Variants in DGKB observed in about 807,000 individuals in gnomAD.
DGKB encodes 90 kDa diacylglycerol kinase.
In DGKB, 67 loss-of-function variants were observed where a neutral mutation model predicts 114.3. The observed-to-expected ratio is 0.59, with a 90% CI of 0.48 to 0.72. DGKB has a LOEUF of 0.72. Among genes scored for constraint, DGKB ranks in the 30% least tolerant of loss-of-function variants. DGKB has a pLI of 0.00. For synonymous variants in DGKB, 398 were observed against 323.1 expected (o/e 1.23, Z -2.49); for missense variants, 907 against 975.2 (o/e 0.93, Z 0.93).
chr7:14,832,231 A>G (rs6461140), intron 2 of DGKB, among the ~76,000 whole-genome samples: 68,320 of 151,808 alleles, frequency 0.45, 16,466 homozygotes, highest in South Asian at 0.62. Context: ...GAAATAAACA[A>G]TTGATATAGA....
At chr7:14,923,620 T>C (rs1387470950) in intron 1 of DGKB, among the ~76,000 whole-genome samples, 3 of 152,214 alleles carry the variant, frequency 2.0e-5, no homozygotes, top group Non-Finnish European at 4.4e-5. Flanking sequence ...TCCCTTTTGA[T>C]ATCTGGCATT....
chr7:14,664,833 C>T (rs1174681310), intron 13 of DGKB, among the ~76,000 whole-genome samples: 1 of 151,626 alleles, frequency 6.6e-6, no homozygotes, highest in Non-Finnish European at 1.5e-5. Flanking sequence ...AAGACAACTG[C>T]TCTTATCTGG....
At chr7:14,950,626 T>G (rs1315622531) in intron 1 of DGKB, among the ~76,000 whole-genome samples, 2 of 151,926 alleles carry the variant, frequency 1.3e-5, no homozygotes, top group African/African-American at 4.8e-5. Context: ...AAAAATTACT[T>G]AAAAAGAAAA....
intron 2 of DGKB, among the ~76,000 whole-genome samples, chr7:14,774,240 C>A (rs925716285): frequency 6.6e-6 from 1 of 152,110 alleles, no homozygotes; most frequent in African/African-American, 2.4e-5. Context: ...AAGTTACAGT[C>A]GATTTGGAGA....
intron 1 of DGKB, among the ~76,000 whole-genome samples, chr7:14,971,762 AT>A (rs71004349): frequency 0.25 from 34,145 of 138,906 alleles, 3,420 homozygotes; most frequent in African/African-American, 0.3. Flanking sequence ...TATTGAAAGC[AT>A]TTTTTTTTTT....
chr7:14,193,708 A>G (rs1026062946), intron 23 of DGKB, among the ~76,000 whole-genome samples: 8 of 152,188 alleles, frequency 5.3e-5, no homozygotes, highest in African/African-American at 1.9e-4. Flanking sequence ...AGTTTCATTG[A>G]ACTAAAAAGC....
rs1022667510 is a variant in DGKB, at chr7:14,255,398, T to C, written c.2123-77247A>G. ...TCTTATGATGATAAAGATCAAGACATAGAATTCAATTAAAGACATTTCACT... is the reference window on the plus strand; with the variant it reads ...TCTTATGATGATAAAGATCAAGACACAGAATTCAATTAAAGACATTTCACT... On this transcript the variant is annotated intron_variant, in intron 23 of 25. Transcript: ENST00000402815. Among the ~76,000 whole-genome samples, 17 of 152,262 alleles carry C rather than the reference T, an allele frequency of 1.1e-4. 1 individual carries two copies. Among genetic ancestry groups the C allele is most frequent in the Admixed American group, 7.8e-4 (12 of 15,294 alleles).
At chr7:14,784,143 A>C (rs1161456355) in intron 2 of DGKB, among the ~76,000 whole-genome samples, 1 of 152,006 alleles carries the variant, frequency 6.6e-6, no homozygotes. Context: ...ATTATGATAT[A>C]TATTGCCTTT....
At chr7:14,830,373 T>TC (rs398111087) in intron 2 of DGKB, among the ~76,000 whole-genome samples, 1 of 70,374 alleles carries the variant, frequency 1.4e-5, no homozygotes, top group African/African-American at 7.1e-5. Flanking sequence ...AGAAATAATT[T>TC]AATAGGCAGA....
intron 23 of DGKB, among the ~76,000 whole-genome samples, chr7:14,276,629 G>T (rs7788063): frequency 0.012 from 1,845 of 151,856 alleles, 38 homozygotes; most frequent in African/African-American, 0.042. Context: ...TGCCTAAATT[G>T]CATTACTATG....
intron 21 of DGKB, among the ~76,000 whole-genome samples, chr7:14,386,274 C>T (rs1402870672): frequency 3.3e-5 from 5 of 152,062 alleles, no homozygotes; most frequent in Admixed American, 1.3e-4. Flanking sequence ...TTTTCTTTAC[C>T]GATGTATTTC....
At chr7:14,341,430 T>C (rs1459380961) in intron 22 of DGKB, among the ~76,000 whole-genome samples, 2 of 151,844 alleles carry the variant, frequency 1.3e-5, no homozygotes, top group Non-Finnish European at 2.9e-5. Flanking sequence ...CTGTGTCAGA[T>C]AATATTTTCA....
chr7:14,407,994 C>T (rs1358309634), intron 21 of DGKB, among the ~76,000 whole-genome samples: 1 of 152,114 alleles, frequency 6.6e-6, no homozygotes, highest in Non-Finnish European at 1.5e-5. Flanking sequence ...CCCCAATCCT[C>T]ACAAACCATA....
chr7:14,355,290 C>T (rs1814231242), intron 21 of DGKB, among the ~76,000 whole-genome samples: 1 of 152,054 alleles, frequency 6.6e-6, no homozygotes, highest in Non-Finnish European at 1.5e-5. Context: ...GCCTGATTGC[C>T]CTGGCCAGAA....
chr7:14,665,084 T>A (rs747963401), intron 13 of DGKB, among the ~76,000 whole-genome samples: 19 of 151,974 alleles, frequency 1.3e-4, no homozygotes, highest in Non-Finnish European at 2.2e-4. Context: ...CAACTTTAAA[T>A]AATCAGCATA....
At chr7:14,170,238 C>T (rs1352940589) in intron 25 of DGKB, among the ~76,000 whole-genome samples, 1 of 151,558 alleles carries the variant, frequency 6.6e-6, no homozygotes, top group African/African-American at 2.4e-5. Context: ...CTGAGTGAGG[C>T]AGCAAAGCAT....
At chr7:14,588,274 T>A (rs1055034909) in intron 17 of DGKB, among the ~76,000 whole-genome samples, 1 of 152,154 alleles carries the variant, frequency 6.6e-6, no homozygotes, top group African/African-American at 2.4e-5. Context: ...GAATAACTTT[T>A]TTTTCAAATA....
chr7:14,392,995 G>GTTTTTTTTTTTTTTT (rs1554404748), intron 21 of DGKB, among the ~76,000 whole-genome samples: 77 of 60,532 alleles, frequency 1.3e-3, no homozygotes, highest in East Asian at 2.1e-3. Context: ...TTTTGTTTTT[G>GTTTTTTTTTTTTTTT]TTTTTTTTTT....
At chr7:14,387,482 G>T (rs886191062) in intron 21 of DGKB, among the ~76,000 whole-genome samples, 1 of 151,164 alleles carries the variant, frequency 6.6e-6, no homozygotes, top group Admixed American at 6.6e-5. Context: ...GCATAATCTG[G>T]GTTCACTGAA....
Sources: allele counts gnomAD v4.1 joint callset (sites outside exome capture counted in the v4.1 genomes callset), GRCh38; gene constraint gnomAD v4.1.1; transcripts MANE v1.5; gene names NCBI Gene and HGNC (gene_info 2026-07-23, HGNC 2026-07-21).